Variants in PGCKA1 observed in about 807,000 individuals in gnomAD.
The protein encoded by PGCKA1 is PDCD10 and GCKIII kinases-associated protein 1.
At chr4:37,511,154 G>A in the PGCKA1 span, among the ~76,000 whole-genome samples, 1 of 152,082 alleles carries the variant, frequency 6.6e-6, no homozygotes, top group Admixed American at 6.6e-5. Flanking sequence ...CAAGAGCCAA[G>A]GCCTGGAATC....
the PGCKA1 span, among the ~76,000 whole-genome samples, chr4:37,517,788 A>G: frequency 6.6e-6 from 1 of 152,220 alleles, no homozygotes; most frequent in Non-Finnish European, 1.5e-5. Flanking sequence ...GTATTTGAAA[A>G]TGTACAACTA....
chr4:37,515,984 T>A, the PGCKA1 span, among the ~76,000 whole-genome samples: 2 of 150,028 alleles, frequency 1.3e-5, no homozygotes, highest in Non-Finnish European at 2.9e-5. Flanking sequence ...CTCTATACTT[T>A]TTTTTATATA....
At chr4:37,559,768 C>T in the PGCKA1 span, among the ~76,000 whole-genome samples, 1 of 152,056 alleles carries the variant, frequency 6.6e-6, no homozygotes, top group African/African-American at 2.4e-5. Context: ...TCTGAGTCTC[C>T]TTCCCAAGCC....
At chr4:37,481,239 A>G in the PGCKA1 span, among the ~76,000 whole-genome samples, 1 of 152,054 alleles carries the variant, frequency 6.6e-6, no homozygotes, top group Non-Finnish European at 1.5e-5. Context: ...GGCCGGGTGG[A>G]TCACGAGGTC....
At chr4:37,590,737 G>T in the PGCKA1 span, 4 of 1,614,178 alleles carry the variant, frequency 2.5e-6, no homozygotes, top group East Asian at 2.2e-5. Context: ...GGGGGAGCAT[G>T]GTTTGAATAC....
At chr4:37,514,649 T>G in the PGCKA1 span, among the ~76,000 whole-genome samples, 117 of 152,342 alleles carry the variant, frequency 7.7e-4, no homozygotes, top group South Asian at 0.024. Context: ...ATGATTTCTA[T>G]TGCTGCATAC....
chr4:37,568,236 C>T, the PGCKA1 span, among the ~76,000 whole-genome samples: 1 of 152,200 alleles, frequency 6.6e-6, no homozygotes, highest in Non-Finnish European at 1.5e-5. Context: ...TGAGAAACAC[C>T]AATTTCAACC....
At chr4:37,489,969 G>T in the PGCKA1 span, among the ~76,000 whole-genome samples, 10 of 151,948 alleles carry the variant, frequency 6.6e-5, no homozygotes, top group East Asian at 1.5e-3. Flanking sequence ...ATGAGAAATT[G>T]TCTCCTCTTA....
At chr4:37,517,314 T>G in the PGCKA1 span, among the ~76,000 whole-genome samples, 11 of 147,648 alleles carry the variant, frequency 7.5e-5, no homozygotes, top group South Asian at 6.3e-4. Context: ...TATAAATATA[T>G]ATATAGAGAG....
At chr4:37,476,686 G>C in the PGCKA1 span, among the ~76,000 whole-genome samples, 1 of 152,134 alleles carries the variant, frequency 6.6e-6, no homozygotes, top group African/African-American at 2.4e-5. Context: ...ATCGTTGTTG[G>C]TTTAGAAGCT....
chr4:37,511,363 C>G, the PGCKA1 span, among the ~76,000 whole-genome samples: 1 of 152,150 alleles, frequency 6.6e-6, no homozygotes, highest in African/African-American at 2.4e-5. Flanking sequence ...CAGCATACCA[C>G]CTGGGTACCA....
the PGCKA1 span, among the ~76,000 whole-genome samples, chr4:37,489,910 C>T: frequency 1.6e-4 from 25 of 152,032 alleles, no homozygotes; most frequent in East Asian, 3.9e-4. Context: ...CTGTAGCCAA[C>T]GCATAATATG....
chr4:37,513,321 C>G, the PGCKA1 span, among the ~76,000 whole-genome samples: 1 of 152,184 alleles, frequency 6.6e-6, no homozygotes, highest in Non-Finnish European at 1.5e-5. Context: ...TCACAGAATA[C>G]CACAGACTGA....
the PGCKA1 span, among the ~76,000 whole-genome samples, chr4:37,569,344 C>G: frequency 0.014 from 2,096 of 151,968 alleles, 123 homozygotes; most frequent in East Asian, 0.14. Context: ...ATTACAAGCA[C>G]CTGCCACCAC....
At chr4:37,478,787 C>T in the PGCKA1 span, among the ~76,000 whole-genome samples, 1 of 152,196 alleles carries the variant, frequency 6.6e-6, no homozygotes. Flanking sequence ...TGCCTCCCCC[C>T]TCTCAATATT....
At chr4:37,464,188 A>G in the PGCKA1 span, among the ~76,000 whole-genome samples, 1 of 152,130 alleles carries the variant, frequency 6.6e-6, no homozygotes, top group Non-Finnish European at 1.5e-5. Flanking sequence ...TCACTAAGCC[A>G]TTTGTTCCAC....
At chr4:37,539,031 A>G in the PGCKA1 span, among the ~76,000 whole-genome samples, 4,466 of 152,312 alleles carry the variant, frequency 0.029, 102 homozygotes, top group Non-Finnish European at 0.042. Flanking sequence ...TGACCCCCAC[A>G]TAGCACTCGC....
chr4:37,566,076 G>A, the PGCKA1 span, among the ~76,000 whole-genome samples: 4 of 152,040 alleles, frequency 2.6e-5, no homozygotes, highest in Non-Finnish European at 5.9e-5. Flanking sequence ...GTGGGACCTT[G>A]TGATTGTGTG....
the PGCKA1 span, chr4:37,590,389 A>C: frequency 6.2e-7 from 1 of 1,613,832 alleles, no homozygotes; most frequent in African/African-American, 1.3e-5. Flanking sequence ...GCCCACTGGG[A>C]ATTCCAGCCC....
Sources: gnomAD v4.1 joint callset for allele counts (sites outside exome capture counted in the v4.1 genomes callset) on GRCh38, gnomAD v4.1.1 for gene constraint, MANE v1.5 for transcripts, NCBI Gene and HGNC (gene_info 2026-07-23, HGNC 2026-07-21) for gene names.